The following RBMS3 variants were observed in gnomAD, a reference collection of about 807,000 sequenced individuals.
RBMS3 encodes RNA-binding motif, single-stranded-interacting protein 3.
In RBMS3, 27 loss-of-function variants were observed where a neutral mutation model predicts 66.8. The observed-to-expected ratio is 0.40, with a 90% CI of 0.30 to 0.56. The LOEUF (loss-of-function observed/expected upper bound fraction) is 0.56, where lower values mean the gene tolerates loss of function less well. Ranked by LOEUF, RBMS3 falls within the 20% of genes least tolerant of loss-of-function variation. RBMS3 has a pLI of 0.40. For missense variants in RBMS3, 513 were observed against 549.5 expected (o/e 0.93, Z 0.66); for synonymous variants, 188 against 183.0 (o/e 1.03, Z -0.22).
intron 1 of RBMS3, among the ~76,000 whole-genome samples, chr3:29,393,468 G>C (rs1034631790): frequency 6.6e-6 from 1 of 152,078 alleles, no homozygotes; most frequent in Admixed American, 6.6e-5. Flanking sequence ...GTTATTCAAT[G>C]GAAAATCATC....
intron 1 of RBMS3, among the ~76,000 whole-genome samples, chr3:29,402,753 G>A (rs1334753998): frequency 1.3e-5 from 2 of 151,924 alleles, no homozygotes; most frequent in African/African-American, 2.4e-5. Context: ...TGTTTTTCAA[G>A]GGGAGGAATG....
chr3:29,406,793 A>G (rs2040035356), intron 1 of RBMS3, among the ~76,000 whole-genome samples: 1 of 152,182 alleles, frequency 6.6e-6, no homozygotes, highest in Non-Finnish European at 1.5e-5. Flanking sequence ...TTTGTTGACT[A>G]CTTTCAGTTA....
intron 2 of RBMS3, among the ~76,000 whole-genome samples, chr3:29,473,381 C>G (rs1299750435): frequency 6.6e-6 from 1 of 152,256 alleles, no homozygotes; most frequent in Non-Finnish European, 1.5e-5. Context: ...ATTCACAAAC[C>G]CTTAGCTAGA....
intron 3 of RBMS3, among the ~76,000 whole-genome samples, chr3:29,509,178 C>T (rs1479244756): frequency 6.6e-6 from 1 of 151,248 alleles, no homozygotes; most frequent in Non-Finnish European, 1.5e-5. Flanking sequence ...TGAATAGCAT[C>T]TCTAGAATTA....
chr3:29,814,674 A>G (rs1262645519), intron 6 of RBMS3, among the ~76,000 whole-genome samples: 1 of 152,194 alleles, frequency 6.6e-6, no homozygotes, highest in African/African-American at 2.4e-5. Flanking sequence ...TTATTGGTCT[A>G]TTCAGAGATT....
At chr3:29,645,791 C>G (rs1221426785) in intron 4 of RBMS3, among the ~76,000 whole-genome samples, 1 of 152,104 alleles carries the variant, frequency 6.6e-6, no homozygotes, top group Non-Finnish European at 1.5e-5. Context: ...GTCATACATC[C>G]CATATTGGCA....
chr3:29,514,650 C>CATATATATATAT (rs10601940), intron 3 of RBMS3, among the ~76,000 whole-genome samples: 2,502 of 103,378 alleles, frequency 0.024, 54 homozygotes, highest in African/African-American at 0.046. Context: ...GTGATAGGCA[C>CATATATATATAT]ATATATATAT....
intron 1 of RBMS3, among the ~76,000 whole-genome samples, chr3:29,425,283 A>G (rs948464991): frequency 2.7e-5 from 4 of 149,770 alleles, no homozygotes; most frequent in Non-Finnish European, 5.9e-5. Flanking sequence ...CTGAGTCAGG[A>G]GAATCGCTTG....
chr3:29,510,943 C>CT (rs1424051385), intron 3 of RBMS3, among the ~76,000 whole-genome samples: 104 of 152,220 alleles, frequency 6.8e-4, no homozygotes, highest in African/African-American at 2.5e-3. Flanking sequence ...TTTGAGTTTC[C>CT]TTTTGGTTAG....
chr3:29,605,109 T>C (rs1272722367), intron 4 of RBMS3, among the ~76,000 whole-genome samples: 2 of 151,972 alleles, frequency 1.3e-5, no homozygotes, highest in Non-Finnish European at 2.9e-5. Context: ...ATAATATTTA[T>C]ATTCTCCTTA....
At chr3:29,884,977 A>C (rs2059834847) in intron 8 of RBMS3, among the ~76,000 whole-genome samples, 1 of 151,950 alleles carries the variant, frequency 6.6e-6, no homozygotes, top group Non-Finnish European at 1.5e-5. Context: ...TTGAAGATCA[A>C]CATAGAGGGT....
chr3:29,742,568 G>A (rs939338574), intron 5 of RBMS3, among the ~76,000 whole-genome samples: 3 of 152,064 alleles, frequency 2.0e-5, no homozygotes, highest in Non-Finnish European at 2.9e-5. Flanking sequence ...AGAATTTTTC[G>A]CTGACCTCCA....
At chr3:29,542,896 T>C (rs1020753711) in intron 3 of RBMS3, among the ~76,000 whole-genome samples, 11 of 152,220 alleles carry the variant, frequency 7.2e-5, no homozygotes, top group African/African-American at 2.2e-4. Context: ...CTGTTCACCA[T>C]CCTTGGCAAA....
chr3:29,541,149 A>C (rs2149011491), intron 3 of RBMS3, among the ~76,000 whole-genome samples: 1 of 152,296 alleles, frequency 6.6e-6, no homozygotes, highest in Middle Eastern at 3.4e-3. Context: ...ATTAAGCACT[A>C]AATGAATATA....
Position 29,391,104 on chromosome 3 carries a change from C to T in RBMS3, c.76-43639C>T, listed in dbSNP as rs935075770. On this transcript the variant is annotated intron_variant, in intron 1 of 14. Transcript: ENST00000383767. ...CTGATGACACCAAGAGACTAGGAAT[C>T]GATAGTGGCAGAAACCCCAAAAAAA... The T allele has an allele frequency of 3.4e-5, 8 of 236,468 alleles. 1 individual carries two copies. Among genetic ancestry groups the T allele is most frequent in the South Asian group, 5.0e-5 (1 of 19,950 alleles). 14.6% of individuals were successfully genotyped at this position (236,468 alleles called of 1,614,324 possible).
At chr3:29,659,945 C>T (rs1175112695) in intron 4 of RBMS3, among the ~76,000 whole-genome samples, 1 of 152,110 alleles carries the variant, frequency 6.6e-6, no homozygotes, top group Non-Finnish European at 1.5e-5. Context: ...GTGGTGAAAT[C>T]TTAGTTTTGA....
At chr3:29,812,973 T>C in intron 6 of RBMS3, among the ~76,000 whole-genome samples, 1 of 152,136 alleles carries the variant, frequency 6.6e-6, no homozygotes. Context: ...ATATTATATA[T>C]TATATATTGC....
At chr3:29,916,385 A>G (rs2060638577) in intron 10 of RBMS3, among the ~76,000 whole-genome samples, 2 of 152,010 alleles carry the variant, frequency 1.3e-5, no homozygotes. Context: ...ATTAAAGAGC[A>G]TATGCTTTTT....
At chr3:29,973,813 C>A (rs1363035853) in intron 12 of RBMS3, among the ~76,000 whole-genome samples, 2 of 151,930 alleles carry the variant, frequency 1.3e-5, no homozygotes, top group Non-Finnish European at 2.9e-5. Flanking sequence ...TCTTTCCACA[C>A]ACTTCTTTCA....
Sources: gnomAD v4.1 joint callset for allele counts (sites outside exome capture counted in the v4.1 genomes callset) on GRCh38, gnomAD v4.1.1 for gene constraint, MANE v1.5 for transcripts, NCBI Gene and HGNC (gene_info 2026-07-23, HGNC 2026-07-21) for gene names.